The following EVC2 variants were observed in gnomAD, a reference collection of about 807,000 sequenced individuals.
The protein encoded by EVC2 is limbin.
Under a neutral mutation model 149.3 loss-of-function variants are expected in EVC2, and 148 were observed. That is an observed-to-expected ratio of 0.99 (90% CI 0.87 to 1.14). EVC2 has a LOEUF of 1.14. EVC2 is among the 50% of genes most tolerant of loss of function. The pLI is 0.00. For synonymous variants in EVC2, 776 were observed against 649.9 expected, an observed-to-expected ratio of 1.19 and a Z score of -2.95; for missense variants, 1,854 against 1,627.3, an observed-to-expected ratio of 1.14 and a Z score of -2.40.
chr4:5,646,792 T>C (rs796429714), intron 9 of EVC2, among the ~76,000 whole-genome samples: 6 of 152,312 alleles, frequency 3.9e-5, no homozygotes, highest in African/African-American at 1.4e-4. Context: ...CTCAGAAACC[T>C]ACTAAGAGGA....
intron 1 of EVC2, among the ~76,000 whole-genome samples, chr4:5,706,333 G>GCTAGATAGATAC (rs1722138362): frequency 9.6e-6 from 1 of 104,398 alleles, no homozygotes; most frequent in Non-Finnish European, 1.9e-5. Flanking sequence ...TAGATAGATA[G>GCTAGATAGATAC]ATAGATACAT....
At chr4:5,583,854 AAC>A (rs1425461314) in intron 17 of EVC2, among the ~76,000 whole-genome samples, 16 of 140,898 alleles carry the variant, frequency 1.1e-4, no homozygotes, top group East Asian at 2.7e-4. Context: ...CTTCAGAAGA[AAC>A]ACAGTTTTTT....
chr4:5,604,333 A>G (rs550099950), intron 16 of EVC2, among the ~76,000 whole-genome samples: 8 of 152,354 alleles, frequency 5.3e-5, no homozygotes, highest in Admixed American at 2.0e-4. Flanking sequence ...GCAGAAATAG[A>G]TAAGTAGATA....
At chr4:5,552,699 A>C (rs1181196575) in intron 21 of EVC2, among the ~76,000 whole-genome samples, 1 of 152,226 alleles carries the variant, frequency 6.6e-6, no homozygotes, top group Non-Finnish European at 1.5e-5. Context: ...TTAAGGCTGC[A>C]GATCAAGCAG....
At chr4:5,610,085 G>C (rs769782864) in intron 16 of EVC2, among the ~76,000 whole-genome samples, 1 of 152,236 alleles carries the variant, frequency 6.6e-6, no homozygotes, top group African/African-American at 2.4e-5. Flanking sequence ...CTCTCATAGA[G>C]CAATGACAGT....
At position 5,665,662 on chromosome 4, in the gene EVC2, G is replaced by A; in HGVS notation, c.871-13C>T. On this transcript the variant is annotated splice_polypyrimidine_tract_variant and intron_variant, in intron 7 of 21. Coordinates refer to ENST00000344408, the MANE Select transcript of EVC2 (RefSeq NM_147127.5). ...GGTGCGGCAGAACCTGTGGAGACAAGAGGAGAGCAGGATTCATGTGTGGTC... is the reference window on the plus strand; with the variant it reads ...GGTGCGGCAGAACCTGTGGAGACAAAAGGAGAGCAGGATTCATGTGTGGTC... 6.2e-7 allele frequency: 1 copy of A among 1,613,886 alleles called. No homozygotes were observed. Among genetic ancestry groups the A allele is most frequent in the South Asian group, 1.1e-5 (1 of 90,950 alleles).
chr4:5,694,232 G>A, intron 3 of EVC2, 103 bp downstream of exon 3: 1 of 1,241,328 alleles, frequency 8.1e-7, no homozygotes, highest in South Asian at 1.3e-5. Flanking sequence ...GAGGAATAGG[G>A]TTTTTTTAAG....
rs1720087651 is a variant in EVC2 at position 5,677,747 on chromosome 4, T to G, written c.870+3513A>C. Among the ~76,000 whole-genome samples, 1 of 152,208 alleles carries G rather than the reference T, an allele frequency of 6.6e-6. No individual in the cohort carries two copies. Among genetic ancestry groups the G allele is most frequent in the Non-Finnish European group, 1.5e-5 (1 of 68,044 alleles). On this transcript the variant is annotated intron_variant, in intron 7 of 21. Coordinates refer to ENST00000344408, the MANE Select transcript of EVC2 (RefSeq NM_147127.5). The surrounding 1 kb of genome is among the most constrained non-coding windows in gnomAD (Gnocchi z 4.3). ...TAAGCTCAATCACGGGATATTTACC[T>G]GTTGAGTGCCACCTACAATGTACCG...
Position 5,637,130 on chromosome 4 carries a change from G to A in EVC2, c.1470+3384C>T, listed in dbSNP as rs756550388. 6.6e-6 allele frequency among the ~76,000 whole-genome samples: 1 copy of A among 152,174 alleles called. No homozygotes were observed. Among genetic ancestry groups the A allele is most frequent in the East Asian group, 1.9e-4 (1 of 5,188 alleles). ...AAGCCCTGAGGAGGAGAGGGACTGC[G>A]TGACAGATGGGAGTAGGGCACCGAC... On this transcript the variant is annotated intron_variant, in intron 10 of 21. Coordinates refer to ENST00000344408, the MANE Select transcript of EVC2 (RefSeq NM_147127.5). This position sits in a 1 kb window ranked among gnomAD's most constrained non-coding sequence, Gnocchi z 4.4.
At chr4:5,547,757 G>A (rs1283216329) in intron 21 of EVC2, among the ~76,000 whole-genome samples, 3 of 152,158 alleles carry the variant, frequency 2.0e-5, no homozygotes, top group South Asian at 2.1e-4. Context: ...TGGGACCTGC[G>A]GAAGGCAGGC....
rs1720183932 is a variant in EVC2, at chr4:5,679,209, G to C, written c.870+2051C>G. 6.6e-6 allele frequency among the ~76,000 whole-genome samples: 1 copy of C among 152,036 alleles called. No individual in the cohort carries two copies. Among genetic ancestry groups the C allele is most frequent in the Admixed American group, 6.6e-5 (1 of 15,252 alleles). The stretch of plus-strand genomic sequence containing the variant: ...TGACTGTACACGACTATAGACTTTA[G>C]AAACACTGTACCCTTAGGCTACACT... On this transcript the variant is annotated intron_variant, in intron 7 of 21. Coordinates refer to ENST00000344408, the MANE Select transcript of EVC2 (RefSeq NM_147127.5). The surrounding 1 kb of genome is among the most constrained non-coding windows in gnomAD (Gnocchi z 5.1).
At chr4:5,654,186 G>A (rs562037244) in intron 9 of EVC2, among the ~76,000 whole-genome samples, 2 of 152,246 alleles carry the variant, frequency 1.3e-5, no homozygotes, top group South Asian at 4.1e-4. Flanking sequence ...GGCACTCCAG[G>A]CTGAGTGACA....
rs2108771423 is a variant in EVC2, at chr4:5,569,006, G to C, written c.3361-366C>G. Among the ~76,000 whole-genome samples, 1 of 152,312 alleles carries C rather than the reference G, an allele frequency of 6.6e-6. No homozygotes were observed. Among genetic ancestry groups the C allele is most frequent in the Middle Eastern group, 3.4e-3 (1 of 294 alleles). The stretch of plus-strand genomic sequence containing the variant: ...CACCAGGCGAGCAGTGCAGGCTCTG[G>C]AAACAACAGAAGTGTCCCTAAACCA... On this transcript the variant is annotated intron_variant, in intron 19 of 21. Transcript: ENST00000344408. This position sits in a 1 kb window ranked among gnomAD's most constrained non-coding sequence, Gnocchi z 4.8.
intron 20 of EVC2, among the ~76,000 whole-genome samples, chr4:5,566,237 T>G (rs1722282392): frequency 6.6e-6 from 1 of 152,124 alleles, no homozygotes. Flanking sequence ...GTGGGAGGTG[T>G]CAAGTCAAGC....
At chr4:5,699,290 C>G (rs551738305) in intron 1 of EVC2, among the ~76,000 whole-genome samples, 35 of 152,328 alleles carry the variant, frequency 2.3e-4, no homozygotes, top group African/African-American at 8.4e-4. Flanking sequence ...AAACATCTGG[C>G]TTCAGTTTGT....
intron 21 of EVC2, among the ~76,000 whole-genome samples, chr4:5,563,508 A>G (rs1722081568): frequency 1.3e-5 from 2 of 152,202 alleles, no homozygotes; most frequent in South Asian, 4.2e-4. Flanking sequence ...AACCATGCCC[A>G]GCTAATTTCT....
Position 5,546,903 on chromosome 4 carries a change from T to C in EVC2, c.3420-3691A>G, listed in dbSNP as rs545550791. Among the ~76,000 whole-genome samples the C allele has an allele frequency of 4.6e-5, 7 of 152,140 alleles. No homozygotes were observed. The South Asian group carries it at 1.0e-3, about 23-fold the overall frequency. On this transcript the variant is annotated intron_variant and NMD_transcript_variant, in intron 21 of 22. Coordinates refer to the EVC2 transcript ENST00000475313. ...AAGTGGGAGCCCTGCACCTTCCAGA[T>C]TGGTGGGGAAGGAGCTTCCCTGGTG... is the stretch of plus-strand genomic sequence containing the variant.
At position 5,708,390 on chromosome 4, in the gene EVC2, G is replaced by GGGGGTGGCTGCGCGCCGAA; in HGVS notation, c.123_124insTTCGGCGCGCAGCCACCCC (p.Leu42PhefsTer20). On this transcript the variant is annotated frameshift_variant, in exon 1 of 22. Coordinates refer to ENST00000344408, the MANE Select transcript of EVC2 (RefSeq NM_147127.5). LOFTEE classifies it high-confidence loss of function. ...GGATCCCGGGGTGGCTGCGCGCCGA[G>GGGGGTGGCTGCGCGCCGAA]GGGGCGCCAGCGGGGACGTGAGCTG... 1 of 1,496,286 alleles carries GGGGGTGGCTGCGCGCCGAA rather than the reference G, an allele frequency of 6.7e-7. No individual in the cohort carries two copies. The highest frequency in any genetic ancestry group is 8.8e-7 in the Non-Finnish European group (1 of 1,130,260). The allele number at this position is 1,496,286 out of a possible 1,614,324, so 92.7% of individuals were successfully genotyped here.
intron 3 of EVC2, among the ~76,000 whole-genome samples, chr4:5,693,518 A>G (rs1033078583): frequency 6.6e-6 from 1 of 152,240 alleles, no homozygotes; most frequent in Non-Finnish European, 1.5e-5. Flanking sequence ...AGAAGCTGGA[A>G]GAGGGAGGAG....
Sources: allele counts gnomAD v4.1 joint callset (sites outside exome capture counted in the v4.1 genomes callset), GRCh38; gene constraint gnomAD v4.1.1; non-coding constraint Gnocchi (gnomAD v3.1); transcripts MANE v1.5; gene names NCBI Gene and HGNC (gene_info 2026-07-23, HGNC 2026-07-21).